The following ABLIM1 variants were observed in gnomAD, a reference collection of about 807,000 sequenced individuals.
The protein encoded by ABLIM1 is actin binding LIM protein 1.
Under a neutral mutation model 107.0 loss-of-function variants are expected in ABLIM1, and 40 were observed. The ratio of observed to expected loss-of-function variants is 0.37; its 90% CI spans 0.29 to 0.49. The LOEUF is 0.49. ABLIM1 is among the 20% of genes least tolerant of loss of function. The pLI is 0.97. For missense variants in ABLIM1, 857 were observed against 1,008.5 expected, an observed-to-expected ratio of 0.85 and a Z score of 2.04; for synonymous variants, 357 against 357.3, an observed-to-expected ratio of 1.00 and a Z score of 0.01.
At chr10:114,512,979 A>C (rs2062163912) in intron 6 of ABLIM1, among the ~76,000 whole-genome samples, 1 of 152,100 alleles carries the variant, frequency 6.6e-6, no homozygotes, top group African/African-American at 2.4e-5. Context: ...TTATATACCA[A>C]AACTCGAGAG....
chr10:114,561,189 T>C (rs2069646975), intron 4 of ABLIM1, among the ~76,000 whole-genome samples: 1 of 152,230 alleles, frequency 6.6e-6, no homozygotes, highest in Non-Finnish European at 1.5e-5. Context: ...ACCCGGGCTC[T>C]GGCCAAAGAG....
intron 2 of ABLIM1, among the ~76,000 whole-genome samples, chr10:114,594,532 C>T (rs1165980223): frequency 2.0e-5 from 3 of 152,126 alleles, no homozygotes; most frequent in Non-Finnish European, 4.4e-5. Flanking sequence ...GGTGGATCAC[C>T]TGAGGTCAGG....
intron 6 of ABLIM1, among the ~76,000 whole-genome samples, chr10:114,512,920 G>C (rs1322667747): frequency 6.9e-6 from 1 of 145,980 alleles, no homozygotes; most frequent in Non-Finnish European, 1.6e-5. Context: ...AAGAAAGAGA[G>C]AAAGAAAGAG....
chr10:114,559,438 CAAAAAAAAA>C (rs72456292), intron 4 of ABLIM1, among the ~76,000 whole-genome samples: 4 of 49,364 alleles, frequency 8.1e-5, no homozygotes, highest in Admixed American at 2.4e-4. Context: ...ACTCGTCTCT[CAAAAAAAAA>C]AAAAAAAAAA....
At chr10:114,714,136 G>A (rs929340367) in intron 1 of ABLIM1, among the ~76,000 whole-genome samples, 2 of 152,166 alleles carry the variant, frequency 1.3e-5, no homozygotes, top group Non-Finnish European at 2.9e-5. Flanking sequence ...ATGTTGTTTA[G>A]CCTGGAATTG....
intron 1 of ABLIM1, among the ~76,000 whole-genome samples, chr10:114,732,322 G>A (rs1246370427): frequency 6.6e-6 from 1 of 151,008 alleles, no homozygotes; most frequent in Non-Finnish European, 1.5e-5. Context: ...AATGGCTAAT[G>A]ATGTCGAACA....
In ABLIM1 at chr10:114,601,764, C is replaced by A. The variant is rs760005911; in HGVS notation, c.379+63G>T. The A allele has an allele frequency of 8.1e-6, 13 of 1,613,016 alleles. No individual in the cohort carries two copies. In the South Asian group the frequency reaches 1.4e-4, roughly 18 times the overall value. ...CCGGATGTGGAGTTAAGGGGATGGG[C>A]TGGACCCAAGGCAAGCCCCGACCAT... is the stretch of plus-strand genomic sequence containing the variant. On this transcript the variant is annotated intron_variant, in intron 2 of 22. Transcript: ENST00000533213.
chr10:114,481,309 A>C (rs967322196), intron 8 of ABLIM1, among the ~76,000 whole-genome samples: 1 of 151,786 alleles, frequency 6.6e-6, no homozygotes, highest in African/African-American at 2.4e-5. Flanking sequence ...AGGAGCAGGG[A>C]TGCAACAACT....
intron 4 of ABLIM1, among the ~76,000 whole-genome samples, chr10:114,570,680 G>A (rs1236714999): frequency 7.8e-6 from 1 of 128,876 alleles, no homozygotes; most frequent in Admixed American, 9.7e-5. Flanking sequence ...TCAGCTCACT[G>A]CAACCTCAAC....
At chr10:114,473,218 A>G (rs2066928355) in intron 9 of ABLIM1, 86 bp from the exon 10 acceptor site, 2 of 1,372,462 alleles carry the variant, frequency 1.5e-6, no homozygotes, top group Non-Finnish European at 2.0e-6. Flanking sequence ...GTTGTTTAAA[A>G]AGTGAAGGCC....
chr10:114,525,003 G>T (rs1347473406), intron 6 of ABLIM1, among the ~76,000 whole-genome samples: 1 of 152,254 alleles, frequency 6.6e-6, no homozygotes, highest in Non-Finnish European at 1.5e-5. Flanking sequence ...GCAGCAGTAG[G>T]CCCCAAGACA....
chr10:114,469,377 T>C (rs2065996414), intron 10 of ABLIM1, among the ~76,000 whole-genome samples: 1 of 152,186 alleles, frequency 6.6e-6, no homozygotes, highest in Non-Finnish European at 1.5e-5. Context: ...CTGGCTTCCA[T>C]CCTCCTAGGC....
intron 1 of ABLIM1, among the ~76,000 whole-genome samples, chr10:114,623,793 T>C (rs2077617013): frequency 6.6e-6 from 1 of 152,232 alleles, no homozygotes; most frequent in South Asian, 2.1e-4. Context: ...TCCTAGACAG[T>C]AATTTCCTTA....
At chr10:114,613,209 T>A (rs1414278130) in intron 1 of ABLIM1, among the ~76,000 whole-genome samples, 1 of 152,240 alleles carries the variant, frequency 6.6e-6, no homozygotes, top group African/African-American at 2.4e-5. Context: ...TGTGATCCCA[T>A]CAACCCCAAT....
chr10:114,698,133 A>T (rs76907930), intron 1 of ABLIM1, among the ~76,000 whole-genome samples: 2,448 of 152,232 alleles, frequency 0.016, 62 homozygotes, highest in African/African-American at 0.055. Flanking sequence ...TGAATACACA[A>T]ACACATGATT....
At chr10:114,788,356 AT>A in the ABLIM1 span, among the ~76,000 whole-genome samples, 3 of 150,130 alleles carry the variant, frequency 2.0e-5, no homozygotes, top group Non-Finnish European at 4.4e-5. Context: ...AAATAAATAA[AT>A]AAATAAATAA....
intron 11 of ABLIM1, among the ~76,000 whole-genome samples, chr10:114,467,400 C>A: frequency 6.6e-6 from 1 of 152,130 alleles, no homozygotes; most frequent in African/African-American, 2.4e-5. Flanking sequence ...TGAAAGAATG[C>A]ATTAATAACG....
At chr10:114,664,343 C>T (rs1223982964) in intron 1 of ABLIM1, among the ~76,000 whole-genome samples, 2 of 152,074 alleles carry the variant, frequency 1.3e-5, no homozygotes, top group East Asian at 1.9e-4. Flanking sequence ...TGTAGGGGCC[C>T]ACAAACAGCA....
chr10:114,674,524 G>C (rs2080396630), intron 1 of ABLIM1, among the ~76,000 whole-genome samples: 1 of 152,122 alleles, frequency 6.6e-6, no homozygotes, highest in African/African-American at 2.4e-5. Flanking sequence ...CCACGAAGTT[G>C]GGCAAGATTT....
Sources: allele counts gnomAD v4.1 joint callset (sites outside exome capture counted in the v4.1 genomes callset), GRCh38; gene constraint gnomAD v4.1.1; transcripts MANE v1.5; gene names NCBI Gene and HGNC (gene_info 2026-07-23, HGNC 2026-07-21).